Variants in PTPRD observed in about 807,000 individuals in gnomAD.
The protein encoded by PTPRD is protein tyrosine phosphatase receptor type D.
Under a neutral mutation model 214.5 loss-of-function variants are expected in PTPRD, and 34 were observed. The observed-to-expected ratio is 0.16, with a 90% CI of 0.12 to 0.21. The LOEUF is 0.21. PTPRD is among the 10% of genes least tolerant of loss of function. The pLI is 1.00. For missense variants in PTPRD, 2,545 were observed against 2,398.7 expected, an observed-to-expected ratio of 1.06 and a Z score of -1.27; for synonymous variants, 1,128 against 845.7, an observed-to-expected ratio of 1.33 and a Z score of -5.79.
At position 9,712,862 on chromosome 9, in the gene PTPRD, T is replaced by C. The variant is rs2097761469; in HGVS notation, c.-287+21671A>G. ...AAAACTATTTTATGGTATTTGTTTT[T>C]AATAGGTTATGTTATTGCTATAGTG... is the stretch of plus-strand genomic sequence containing the variant. On this transcript the variant is annotated intron_variant, in intron 7 of 45. Transcript: ENST00000381196. Among the ~76,000 whole-genome samples the C allele has an allele frequency of 2.6e-5, 4 of 152,356 alleles. No individual in the cohort carries two copies. The East Asian group carries it at 7.7e-4, about 29-fold the overall frequency.
chr9:8,750,256 C>T (rs912790117), intron 11 of PTPRD, among the ~76,000 whole-genome samples: 5 of 152,006 alleles, frequency 3.3e-5, no homozygotes, highest in African/African-American at 7.2e-5. Flanking sequence ...CTCCCAGGTT[C>T]AAGCGATTCT....
chr9:8,979,292 A>G (rs1457504744), intron 11 of PTPRD, among the ~76,000 whole-genome samples: 1 of 152,172 alleles, frequency 6.6e-6, no homozygotes, highest in African/African-American at 2.4e-5. Context: ...ACAGATAATA[A>G]TATCATGATA....
intron 7 of PTPRD, among the ~76,000 whole-genome samples, chr9:9,685,632 T>C (rs2154400298): frequency 6.6e-6 from 1 of 151,450 alleles, no homozygotes; most frequent in African/African-American, 2.4e-5. Context: ...GAAAAGTATG[T>C]TGCTTGTCTA....
chr9:9,741,641 T>G (rs995442110), intron 6 of PTPRD, among the ~76,000 whole-genome samples: 1 of 152,178 alleles, frequency 6.6e-6, no homozygotes, highest in Non-Finnish European at 1.5e-5. Context: ...GTGTGTGATG[T>G]TCGCCTCCCT....
chr9:9,661,749 C>T (rs552347309), intron 7 of PTPRD, among the ~76,000 whole-genome samples: 9 of 151,504 alleles, frequency 5.9e-5, no homozygotes, highest in Admixed American at 5.3e-4. Flanking sequence ...ACATTTTAGT[C>T]ATCTAAGAAA....
chr9:8,411,147 A>T (rs1205299808), intron 35 of PTPRD, among the ~76,000 whole-genome samples: 1 of 152,050 alleles, frequency 6.6e-6, no homozygotes, highest in Non-Finnish European at 1.5e-5. Context: ...AATTCAGATA[A>T]AGTGTTTTAC....
chr9:8,774,679 C>G (rs949602482), intron 11 of PTPRD, among the ~76,000 whole-genome samples: 5 of 151,914 alleles, frequency 3.3e-5, no homozygotes, highest in African/African-American at 1.2e-4. Flanking sequence ...GGATTACAGG[C>G]ATGCGCCACC....
At chr9:9,917,202 C>T (rs1481046929) in intron 5 of PTPRD, among the ~76,000 whole-genome samples, 1 of 132,216 alleles carries the variant, frequency 7.6e-6, no homozygotes, top group African/African-American at 2.8e-5. Flanking sequence ...AAAGATCAAG[C>T]AGAAGTAAAC....
At chr9:8,609,161 T>C (rs1322157577) in intron 14 of PTPRD, among the ~76,000 whole-genome samples, 1 of 152,224 alleles carries the variant, frequency 6.6e-6, no homozygotes, top group Non-Finnish European at 1.5e-5. Flanking sequence ...ATAATCCTTG[T>C]TTTCCTTCAA....
chr9:8,440,408 C>T (rs533907731), intron 34 of PTPRD, among the ~76,000 whole-genome samples: 14 of 152,110 alleles, frequency 9.2e-5, no homozygotes, highest in African/African-American at 2.2e-4. Context: ...CTCTACCTCC[C>T]GGGTTCAAGT....
intron 5 of PTPRD, among the ~76,000 whole-genome samples, chr9:9,866,136 T>G (rs2063891188): frequency 6.6e-6 from 1 of 152,216 alleles, no homozygotes; most frequent in South Asian, 2.1e-4. Flanking sequence ...CTAGTTAAGG[T>G]TATATCCATT....
chr9:9,974,030 A>G (rs2095258647), intron 4 of PTPRD, among the ~76,000 whole-genome samples: 1 of 152,000 alleles, frequency 6.6e-6, no homozygotes, highest in South Asian at 2.1e-4. Flanking sequence ...AGAAATTGTG[A>G]CTCCTGAGAC....
intron 2 of PTPRD, among the ~76,000 whole-genome samples, chr9:10,538,111 C>T (rs1206114974): frequency 4.6e-5 from 7 of 151,986 alleles, no homozygotes; most frequent in South Asian, 4.2e-4. Context: ...TCTGATTGGC[C>T]CAGCTTGAAT....
intron 7 of PTPRD, among the ~76,000 whole-genome samples, chr9:9,710,310 C>G (rs2097701369): frequency 6.6e-6 from 1 of 151,866 alleles, no homozygotes; most frequent in South Asian, 2.1e-4. Context: ...AAGGCAAAGC[C>G]CAGAACTCTA....
At chr9:9,054,879 AAAG>A (rs761673205) in intron 10 of PTPRD, among the ~76,000 whole-genome samples, 3 of 152,308 alleles carry the variant, frequency 2.0e-5, no homozygotes, top group South Asian at 2.1e-4. Context: ...AAGGGAACAC[AAAG>A]AAGAAGACTG....
chr9:9,657,563 C>T (rs1056501798), intron 7 of PTPRD, among the ~76,000 whole-genome samples: 1 of 152,076 alleles, frequency 6.6e-6, no homozygotes, highest in African/African-American at 2.4e-5. Context: ...AACAAACATG[C>T]ACGTTGTGCA....
chr9:10,044,657 C>A (rs1423664631), intron 3 of PTPRD, among the ~76,000 whole-genome samples: 1 of 151,722 alleles, frequency 6.6e-6, no homozygotes, highest in Non-Finnish European at 1.5e-5. Flanking sequence ...ACACAATACA[C>A]AGACTAAGAA....
At chr9:9,247,860 A>T (rs2099973773) in intron 9 of PTPRD, among the ~76,000 whole-genome samples, 1 of 152,082 alleles carries the variant, frequency 6.6e-6, no homozygotes, top group Non-Finnish European at 1.5e-5. Flanking sequence ...TTGAAGTTTG[A>T]GCATGATCAC....
chr9:9,821,242 C>G (rs549440372), intron 5 of PTPRD, among the ~76,000 whole-genome samples: 1 of 152,078 alleles, frequency 6.6e-6, no homozygotes, highest in South Asian at 2.1e-4. Context: ...AAAAATGCTA[C>G]CAATTTTTGT....
Sources: gnomAD v4.1 joint callset for allele counts (sites outside exome capture counted in the v4.1 genomes callset) on GRCh38, gnomAD v4.1.1 for gene constraint, MANE v1.5 for transcripts, NCBI Gene and HGNC (gene_info 2026-07-23, HGNC 2026-07-21) for gene names.